DENND2B: variants seen among roughly 807,000 people sequenced by gnomAD.
The protein encoded by DENND2B is DENN domain containing 2B, also known as DENN domain-containing protein 2B.
In DENND2B, 32 loss-of-function variants were observed where a neutral mutation model predicts 116.0. That is an observed-to-expected ratio of 0.28 (90% CI 0.21 to 0.37). DENND2B has a LOEUF of 0.37. DENND2B is among the 10% of genes least tolerant of loss of function. The pLI is 1.00. For synonymous variants in DENND2B, 588 were observed against 583.9 expected (o/e 1.01, Z -0.10); for missense variants, 1,276 against 1,477.7 (o/e 0.86, Z 2.24).
chr11:8,811,380 C>G (rs2061366055), upstream of DENND2B: 1 of 398,510 alleles, frequency 2.5e-6, no homozygotes, highest in East Asian at 3.6e-5. Context: ...CAGGAAGAAT[C>G]CTGGGCAAGT....
At chr11:8,804,369 TG>T (rs34970475) in intron 1 of DENND2B, among the ~76,000 whole-genome samples, 1 of 151,686 alleles carries the variant, frequency 6.6e-6, no homozygotes, top group Non-Finnish European at 1.5e-5. Context: ...CCATAAGACA[TG>T]GGGAGCTGTC....
In DENND2B at chr11:8,730,049, G is replaced by C. The variant is rs1178977286; in HGVS notation, c.1241C>G (p.Pro414Arg). 2 of 1,614,182 alleles carry C rather than the reference G, an allele frequency of 1.2e-6. No individual in the cohort carries two copies. The highest frequency in any genetic ancestry group is 1.1e-5 in the South Asian group (1 of 91,088). ...SKPSNGLPPS[P>R]TPAAPPPLPS... ...CAAGGGAGGTGGAGCAGCAGGTGTGGGTGAAGGAGGTAGACCATTACTGGG... is the reference window on the plus strand; with the variant it reads ...CAAGGGAGGTGGAGCAGCAGGTGTGCGTGAAGGAGGTAGACCATTACTGGG... Residue 414 changes from proline to arginine, a missense_variant, in exon 3 of 20, where the codon CCC (proline) becomes CGC (arginine). This residue lies in a region of DENND2B where 856 missense variants were observed against 846.6 expected (regional missense o/e 1.01). Transcript: ENST00000313726. This position sits in a 1 kb window ranked among gnomAD's most constrained non-coding sequence, Gnocchi z 4.1.
chr11:8,745,547 T>C (rs1187852172), intron 2 of DENND2B, among the ~76,000 whole-genome samples: 1 of 152,228 alleles, frequency 6.6e-6, no homozygotes, highest in Non-Finnish European at 1.5e-5. Context: ...CCATTCCACA[T>C]ACCTTCTTAT....
At chr11:8,716,460 C>T (rs1450291085) in intron 5 of DENND2B, among the ~76,000 whole-genome samples, 1 of 152,178 alleles carries the variant, frequency 6.6e-6, no homozygotes, top group East Asian at 1.9e-4. Context: ...CCATCCTTGT[C>T]GCGGACCCTG....
chr11:8,712,540 G>A lies in DENND2B; in HGVS notation c.2172+11C>T, dbSNP rs896034303. 6.5e-7 allele frequency: 1 copy of A among 1,549,374 alleles called. No individual in the cohort carries two copies. Among genetic ancestry groups the A allele is most frequent in the Non-Finnish European group, 8.7e-7 (1 of 1,145,300 alleles). On this transcript the variant is annotated intron_variant, in intron 9 of 19. Transcript: ENST00000313726. This position sits in a 1 kb window ranked among gnomAD's most constrained non-coding sequence, Gnocchi z 4.4. Reference sequence around the variant, plus strand: ...GGAATATGGGCAAGGTGGGGAGAGAGAAGGCCTCACCTTGGGAAACTGGTA... The same window carrying A: ...GGAATATGGGCAAGGTGGGGAGAGAAAAGGCCTCACCTTGGGAAACTGGTA...
At position 8,730,474 on chromosome 11, in the gene DENND2B, A is replaced by G. The variant is rs765815210; in HGVS notation, c.816T>C (p.His272=). Residue 272 remains histidine, a synonymous_variant, in exon 3 of 20, where the codon CAT becomes CAC. Transcript: ENST00000313726. The surrounding 1 kb of genome is among the most constrained non-coding windows in gnomAD (Gnocchi z 4.1). The part of the protein sequence containing the change: ...RSEPSAFLRG[H]GSRKESSAVL... ...CTGCTGAGCTCTCCTTCCTGCTGCCATGCCCCCTGAGGAAGGCGCTGGGCT... is the reference window on the plus strand; with the variant it reads ...CTGCTGAGCTCTCCTTCCTGCTGCCGTGCCCCCTGAGGAAGGCGCTGGGCT... 1.2e-6 allele frequency: 2 copies of G among 1,611,760 alleles called. No homozygotes were observed. Among genetic ancestry groups the G allele is most frequent in the South Asian group, 2.2e-5 (2 of 91,084 alleles).
intron 1 of DENND2B, among the ~76,000 whole-genome samples, chr11:8,884,312 CTTTG>C (rs781193665): frequency 1.3e-5 from 2 of 150,904 alleles, no homozygotes; most frequent in African/African-American, 2.4e-5. Flanking sequence ...TTCGGACTTC[CTTTG>C]TTTTTTTGTT....
chr11:8,734,939 A>C (rs2048746979), intron 2 of DENND2B, among the ~76,000 whole-genome samples: 1 of 144,944 alleles, frequency 6.9e-6, no homozygotes, highest in Non-Finnish European at 1.5e-5. Flanking sequence ...CTGGCTCTTC[A>C]GAGTAATCAC....
At chr11:8,865,983 G>T (rs185510609) in intron 2 of DENND2B, among the ~76,000 whole-genome samples, 1 of 151,348 alleles carries the variant, frequency 6.6e-6, no homozygotes, top group Non-Finnish European at 1.5e-5. Flanking sequence ...ATTTTGAGAC[G>T]GAGTCTCGCT....
intron 1 of DENND2B, among the ~76,000 whole-genome samples, chr11:8,768,613 C>T (rs2056320642): frequency 6.6e-6 from 1 of 152,102 alleles, no homozygotes; most frequent in South Asian, 2.1e-4. Flanking sequence ...TCAAATCTAC[C>T]ATCAGGTGAG....
chr11:8,716,136 G>C (rs1321405218), intron 5 of DENND2B, among the ~76,000 whole-genome samples: 2 of 152,228 alleles, frequency 1.3e-5, no homozygotes, highest in Admixed American at 1.3e-4. Flanking sequence ...CCTGAGCTAT[G>C]GGACAAGAAT....
intron 2 of DENND2B, among the ~76,000 whole-genome samples, chr11:8,878,537 C>T (rs2063869391): frequency 6.6e-6 from 1 of 152,024 alleles, no homozygotes; most frequent in African/African-American, 2.4e-5. Context: ...TTATAGGCAC[C>T]TGCCATCATG....
At chr11:8,771,891 C>T (rs1399458878) in intron 1 of DENND2B, 1 of 152,180 alleles carries the variant, frequency 6.6e-6, no homozygotes, top group Non-Finnish European at 1.5e-5. Context: ...AGCATTAATC[C>T]ATTCATGAGG....
intron 3 of DENND2B, among the ~76,000 whole-genome samples, chr11:8,728,560 G>A (rs2047532982): frequency 6.7e-6 from 1 of 148,828 alleles, no homozygotes; most frequent in South Asian, 2.2e-4. Context: ...GTGTGGGGTG[G>A]AATATGTGTA....
intron 1 of DENND2B, among the ~76,000 whole-genome samples, chr11:8,895,333 A>G (rs1339797003): frequency 6.6e-6 from 1 of 152,198 alleles, no homozygotes; most frequent in Non-Finnish European, 1.5e-5. Context: ...CCAACATGGC[A>G]CATGTATACA....
At chr11:8,728,151 A>G (rs1194067575) in intron 3 of DENND2B, among the ~76,000 whole-genome samples, 2 of 151,990 alleles carry the variant, frequency 1.3e-5, no homozygotes, top group Admixed American at 6.6e-5. Context: ...CTGCAGGCAC[A>G]TGCCAACACT....
In DENND2B at chr11:8,751,604, T is replaced by A. The variant is rs184118660; in HGVS notation, c.-25-879A>T. On this transcript the variant is annotated intron_variant, in intron 1 of 19. Coordinates refer to ENST00000313726, the MANE Select transcript of DENND2B (RefSeq NM_213618.2). Reference sequence around the variant, plus strand: ...AAAAAACTCCGAACACATCCGAACATCAGAAGGAACAAACTACAGACATGC... The same window carrying A: ...AAAAAACTCCGAACACATCCGAACAACAGAAGGAACAAACTACAGACATGC... Among the ~76,000 whole-genome samples the A allele has an allele frequency of 2.5e-4, 38 of 151,910 alleles. No individual in the cohort carries two copies. The East Asian group carries it at 7.2e-3, about 29-fold the overall frequency.
intron 3 of DENND2B, among the ~76,000 whole-genome samples, chr11:8,852,475 A>G (rs2063042575): frequency 6.6e-6 from 1 of 152,206 alleles, no homozygotes; most frequent in Non-Finnish European, 1.5e-5. Context: ...TTACAAAAAT[A>G]GTAAATAAAC....
chr11:8,851,000 A>T (rs1217979187), intron 3 of DENND2B, among the ~76,000 whole-genome samples: 1 of 152,190 alleles, frequency 6.6e-6, no homozygotes, highest in Non-Finnish European at 1.5e-5. Context: ...ACAGAGGGTA[A>T]AATAACCATT....
Sources: gnomAD v4.1 joint callset for allele counts (sites outside exome capture counted in the v4.1 genomes callset) on GRCh38, gnomAD v4.1.1 for gene constraint, gnomAD v4.1.1 regional missense constraint, Gnocchi (gnomAD v3.1) non-coding constraint, MANE v1.5 for transcripts, NCBI Gene and HGNC (gene_info 2026-07-23, HGNC 2026-07-21) for gene names.